CNBD1: variants seen among roughly 807,000 people sequenced by gnomAD.
CNBD1 encodes the protein cyclic nucleotide binding domain containing 1.
A neutral mutation model predicts 54.4 loss-of-function variants in CNBD1; 71 were observed. The ratio of observed to expected loss-of-function variants is 1.30; its 90% confidence interval spans 1.08 to 1.59. The LOEUF is 1.59. Among genes scored for constraint, CNBD1 ranks in the 40% most tolerant of loss-of-function variants. CNBD1 has a pLI of 0.00. For missense variants in CNBD1, 659 were observed against 518.0 expected (o/e 1.27, Z -2.64); for synonymous variants, 182 against 170.7 (o/e 1.07, Z -0.51).
intron 4 of CNBD1, among the ~76,000 whole-genome samples, chr8:86,988,679 C>G (rs896098114): frequency 7.9e-5 from 12 of 152,152 alleles, no homozygotes; most frequent in African/African-American, 2.9e-4. Context: ...ACATCCCCCC[C>G]TTTCCCAGCC....
intron 4 of CNBD1, among the ~76,000 whole-genome samples, chr8:87,037,438 A>G (rs571495624): frequency 6.6e-6 from 1 of 152,200 alleles, no homozygotes; most frequent in South Asian, 2.1e-4. Flanking sequence ...ATTTTTCAGA[A>G]ACTCATTAAG....
At chr8:87,359,190 A>G (rs1810482786) in intron 10 of CNBD1, among the ~76,000 whole-genome samples, 3 of 152,116 alleles carry the variant, frequency 2.0e-5, no homozygotes, top group African/African-American at 7.2e-5. Context: ...TTGGCATTGT[A>G]TGGGATTTAG....
intron 1 of CNBD1, among the ~76,000 whole-genome samples, chr8:86,873,076 TTTGTTG>T (rs141839544): frequency 1.3e-4 from 19 of 150,896 alleles, no homozygotes; most frequent in Non-Finnish European, 2.5e-4. Context: ...AGGCCCTGTT[TTTGTTG>T]TTGTTGTTGT....
At chr8:87,007,320 C>T (rs966986098) in intron 4 of CNBD1, among the ~76,000 whole-genome samples, 10 of 151,976 alleles carry the variant, frequency 6.6e-5, no homozygotes, top group African/African-American at 2.4e-4. Flanking sequence ...AGATTTGATC[C>T]TCAACAAACT....
intron 4 of CNBD1, among the ~76,000 whole-genome samples, chr8:87,104,711 T>C (rs1190348157): frequency 6.6e-6 from 1 of 152,230 alleles, no homozygotes; most frequent in Non-Finnish European, 1.5e-5. Flanking sequence ...AACAGAACTA[T>C]TGTTTCAGTC....
chr8:87,284,603 C>A, intron 6 of CNBD1, 75 bp from the exon 7 acceptor site: 3 of 1,316,972 alleles, frequency 2.3e-6, no homozygotes, highest in East Asian at 5.0e-5. Flanking sequence ...GCTTGACCTA[C>A]AATCCAATCC....
intron 4 of CNBD1, among the ~76,000 whole-genome samples, chr8:87,032,489 A>G (rs1809816414): frequency 6.6e-6 from 1 of 152,192 alleles, no homozygotes; most frequent in African/African-American, 2.4e-5. Context: ...AATCATCATA[A>G]AAGTCTTCAT....
At chr8:86,912,513 C>T (rs1809115612) in intron 3 of CNBD1, among the ~76,000 whole-genome samples, 1 of 152,126 alleles carries the variant, frequency 6.6e-6, no homozygotes, top group African/African-American at 2.4e-5. Flanking sequence ...TAATGTCATA[C>T]TTTAACATAT....
chr8:87,337,521 C>A (rs535692895), intron 8 of CNBD1, among the ~76,000 whole-genome samples: 4 of 152,242 alleles, frequency 2.6e-5, no homozygotes, highest in Non-Finnish European at 2.9e-5. Flanking sequence ...ATTCCCTCCC[C>A]CTGGCTTAGG....
chr8:86,911,917 G>C (rs901205935), intron 3 of CNBD1, among the ~76,000 whole-genome samples: 1 of 151,952 alleles, frequency 6.6e-6, no homozygotes, highest in African/African-American at 2.4e-5. Flanking sequence ...AGAAGTTAAA[G>C]ATCTCTACTA....
rs1271274890 is a variant in CNBD1, at chr8:87,003,337, A to C, written c.431+63583A>C. 3.3e-5 allele frequency among the ~76,000 whole-genome samples: 5 copies of C among 152,214 alleles called. No homozygotes were observed. In the East Asian group the frequency reaches 9.6e-4, roughly 29 times the overall value. ...ATGATTCCTGATTTTGCAATATCCT[A>C]AAATACCTAGATTATTAGAATATGT... On this transcript the variant is annotated intron_variant, in intron 4 of 10. Transcript: ENST00000518476.
chr8:87,181,848 T>C (rs1317069255), intron 4 of CNBD1, among the ~76,000 whole-genome samples: 1 of 152,216 alleles, frequency 6.6e-6, no homozygotes, highest in African/African-American at 2.4e-5. Flanking sequence ...TTTTGTGGTA[T>C]ATTTTTCCTT....
intron 4 of CNBD1, among the ~76,000 whole-genome samples, chr8:87,111,269 T>C (rs1434600019): frequency 6.6e-6 from 1 of 152,174 alleles, no homozygotes; most frequent in African/African-American, 2.4e-5. Context: ...ATTCAGGGAC[T>C]GGGGAAATGA....
chr8:87,215,376 G>A (rs1814187069), intron 5 of CNBD1, among the ~76,000 whole-genome samples: 1 of 152,110 alleles, frequency 6.6e-6, no homozygotes, highest in Admixed American at 6.5e-5. Flanking sequence ...CACGAGGTCA[G>A]GAGATCGAGA....
At chr8:87,113,238 A>G (rs551649359) in intron 4 of CNBD1, among the ~76,000 whole-genome samples, 1 of 152,320 alleles carries the variant, frequency 6.6e-6, no homozygotes, top group Admixed American at 6.5e-5. Flanking sequence ...GGGATGCATA[A>G]GCAGCCATTA....
At chr8:87,221,316 A>C (rs2130809128) in intron 5 of CNBD1, among the ~76,000 whole-genome samples, 1 of 152,148 alleles carries the variant, frequency 6.6e-6, no homozygotes, top group Non-Finnish European at 1.5e-5. Context: ...GTGTGTCCTA[A>C]CCTGCTTTTA....
chr8:87,241,415 G>T (rs990864016), intron 6 of CNBD1, among the ~76,000 whole-genome samples: 8 of 151,560 alleles, frequency 5.3e-5, no homozygotes, highest in Non-Finnish European at 8.8e-5. Context: ...GGACTACAGG[G>T]GCCTGCCACC....
chr8:86,929,134 C>A (rs895884187), intron 3 of CNBD1, among the ~76,000 whole-genome samples: 3 of 152,196 alleles, frequency 2.0e-5, no homozygotes, highest in African/African-American at 7.2e-5. Context: ...TCTGCCTTTT[C>A]TCCTTCACCA....
intron 10 of CNBD1, among the ~76,000 whole-genome samples, chr8:87,364,583 G>A (rs1810600489): frequency 1.3e-5 from 2 of 151,486 alleles, no homozygotes; most frequent in African/African-American, 2.4e-5. Flanking sequence ...AGATTTTTTT[G>A]TCACCTAGGT....
Sources: gnomAD v4.1 joint callset for allele counts (sites outside exome capture counted in the v4.1 genomes callset) on GRCh38, gnomAD v4.1.1 for gene constraint, MANE v1.5 for transcripts, NCBI Gene and HGNC (gene_info 2026-07-23, HGNC 2026-07-21) for gene names.